Variants in RIPOR2 observed in about 807,000 individuals in gnomAD.
The protein encoded by RIPOR2 is rho family-interacting cell polarization regulator 2.
Under a neutral mutation model 114.5 loss-of-function variants are expected in RIPOR2, and 39 were observed. The observed-to-expected ratio is 0.34, with a 90% CI of 0.26 to 0.44. The LOEUF (loss-of-function observed/expected upper bound fraction) is 0.44, where lower values mean the gene tolerates loss of function less well. RIPOR2 is among the 20% of genes least tolerant of loss of function. The pLI, the probability that RIPOR2 is intolerant of heterozygous loss-of-function variation, is 1.00. For synonymous variants in RIPOR2, 445 were observed against 484.4 expected (o/e 0.92, Z 1.07); for missense variants, 1,007 against 1,255.1 (o/e 0.80, Z 2.99).
intron 1 of RIPOR2, among the ~76,000 whole-genome samples, chr6:24,911,378 G>A (rs1225374374): frequency 1.3e-5 from 2 of 152,060 alleles, no homozygotes; most frequent in Non-Finnish European, 2.9e-5. Flanking sequence ...GAGGGCAGAG[G>A]AAAGGAGCCG....
intron 1 of RIPOR2, among the ~76,000 whole-genome samples, chr6:24,976,016 G>A (rs1001168240): frequency 3.9e-5 from 6 of 152,070 alleles, no homozygotes; most frequent in Non-Finnish European, 8.8e-5. Flanking sequence ...AAAAATTTTT[G>A]AAAAGAGAAA....
intron 1 of RIPOR2, among the ~76,000 whole-genome samples, chr6:25,000,187 C>T (rs1775238818): frequency 6.6e-6 from 1 of 152,202 alleles, no homozygotes; most frequent in South Asian, 2.1e-4. Flanking sequence ...ACAACTCTTA[C>T]TTTCACTTCA....
intron 2 of RIPOR2, among the ~76,000 whole-genome samples, chr6:24,874,714 A>G (rs1426554977): frequency 2.0e-5 from 3 of 152,230 alleles, no homozygotes; most frequent in African/African-American, 7.2e-5. Context: ...GCACTATGCA[A>G]TTTTAGGTAC....
intron 1 of RIPOR2, among the ~76,000 whole-genome samples, chr6:24,974,530 TGTG>T (rs1414397798): frequency 2.0e-5 from 3 of 152,136 alleles, no homozygotes; most frequent in Non-Finnish European, 2.9e-5. Flanking sequence ...TTGAGGAAGA[TGTG>T]GAGAAACTGG....
At chr6:24,839,807 T>C (rs927353973) in intron 13 of RIPOR2, 9 of 1,352,082 alleles carry the variant, frequency 6.7e-6, no homozygotes, top group East Asian at 5.7e-5. Context: ...TGGCAATGTC[T>C]TCGGTGTTTT....
intron 1 of RIPOR2, among the ~76,000 whole-genome samples, chr6:25,007,804 A>G (rs1299658037): frequency 6.6e-6 from 1 of 151,858 alleles, no homozygotes; most frequent in Non-Finnish European, 1.5e-5. Context: ...CTGTTCTTCC[A>G]ACTGCTGTAG....
Position 24,935,936 on chromosome 6 carries a change from C to G in RIPOR2, c.-38G>C, listed in dbSNP as rs533788371. 325 of 1,485,584 alleles carry G rather than the reference C, an allele frequency of 2.2e-4. No individual in the cohort carries two copies. The highest frequency in any genetic ancestry group is 2.6e-4 in the Non-Finnish European group (290 of 1,101,744). 92.0% of individuals were successfully genotyped at this position (1,485,584 alleles called of 1,614,324 possible). ...AGGCGCGAGAAGCAGCAGGCAGCAGCCCCGGCAGTCTCAGCAGTCACACTG... is the reference window on the plus strand; with the variant it reads ...AGGCGCGAGAAGCAGCAGGCAGCAGGCCCGGCAGTCTCAGCAGTCACACTG... On this transcript the variant is annotated 5_prime_UTR_variant, in exon 1 of 22. Transcript: ENST00000643898.
At chr6:24,939,893 A>G (rs573594210), upstream of RIPOR2, among the ~76,000 whole-genome samples, 1 of 152,340 alleles carries the variant, frequency 6.6e-6, no homozygotes, top group Non-Finnish European at 1.5e-5. Context: ...GGTCATAAGC[A>G]CAGGAACATA....
intron 1 of RIPOR2, among the ~76,000 whole-genome samples, chr6:24,981,090 A>G (rs1345014023): frequency 6.6e-6 from 1 of 152,180 alleles, no homozygotes; most frequent in Non-Finnish European, 1.5e-5. Flanking sequence ...CTTCATTTGA[A>G]CAAAAGGGTG....
chr6:25,027,810 A>G (rs924521611), intron 1 of RIPOR2, among the ~76,000 whole-genome samples: 20 of 152,222 alleles, frequency 1.3e-4, no homozygotes, highest in African/African-American at 4.3e-4. Context: ...AAGAGGGAAG[A>G]GGCAAGTTCC....
Position 24,929,628 on chromosome 6 carries a change from C to T in RIPOR2, c.61+6210G>A, listed in dbSNP as rs141146416. Among the ~76,000 whole-genome samples, 1,092 of 152,224 alleles carry T rather than the reference C, an allele frequency of 7.2e-3. 9 individuals carry two copies. Among genetic ancestry groups the T allele is most frequent in the African/African-American group, 0.025 (1,018 of 41,528 alleles). On this transcript the variant is annotated intron_variant, in intron 1 of 21. Transcript: ENST00000643898. ...CACTTTAATTTGTCTCAACTAATAC[C>T]TTTTCTCTTTTAAAATATCTTCCAA...
At chr6:24,870,091 A>G (rs1423925848) in intron 5 of RIPOR2, among the ~76,000 whole-genome samples, 1 of 152,252 alleles carries the variant, frequency 6.6e-6, no homozygotes, top group Non-Finnish European at 1.5e-5. Flanking sequence ...ATCTGTGTCT[A>G]AACAGACCTA....
At chr6:24,835,646 A>T (rs540274884) in intron 15 of RIPOR2, 57 bp downstream of exon 15, 4 of 1,491,146 alleles carry the variant, frequency 2.7e-6, no homozygotes, top group Non-Finnish European at 2.7e-6. Flanking sequence ...ATGAAAGCAC[A>T]CTTCCTGGTA....
intron 8 of RIPOR2, among the ~76,000 whole-genome samples, chr6:24,859,433 A>C (rs188421964): frequency 1.4e-3 from 207 of 152,268 alleles, no homozygotes; most frequent in African/African-American, 4.3e-3. Flanking sequence ...TGATAGAATC[A>C]TCCTCAAAGT....
At chr6:24,896,398 C>A (rs1767892914) in intron 1 of RIPOR2, among the ~76,000 whole-genome samples, 1 of 152,098 alleles carries the variant, frequency 6.6e-6, no homozygotes, top group South Asian at 2.1e-4. Flanking sequence ...CAAGTCAATT[C>A]CAGTTTACTA....
In RIPOR2 at chr6:24,892,431, C is replaced by T. The variant is rs114605964; in HGVS notation, c.62-16614G>A. Among the ~76,000 whole-genome samples the T allele has an allele frequency of 8.7e-3, 1,326 of 152,292 alleles. 6 individuals carry two copies. The highest frequency in any genetic ancestry group is 0.018 in the Admixed American group (278 of 15,300). Reference sequence around the variant, plus strand: ...TCATTCCGTATGCTCACACCCAGGACGTACTCTATCCTCTGGGTCACACAA... The same window carrying T: ...TCATTCCGTATGCTCACACCCAGGATGTACTCTATCCTCTGGGTCACACAA... On this transcript the variant is annotated intron_variant, in intron 1 of 21. Coordinates refer to ENST00000643898, the MANE Select transcript of RIPOR2 (RefSeq NM_001286445.3).
intron 1 of RIPOR2, among the ~76,000 whole-genome samples, chr6:24,876,123 T>C (rs1449987564): frequency 1.3e-5 from 2 of 151,952 alleles, no homozygotes; most frequent in African/African-American, 4.8e-5. Context: ...AAACCCCATC[T>C]CTACTAAAAA....
intron 1 of RIPOR2, among the ~76,000 whole-genome samples, chr6:24,920,449 A>T (rs1196985877): frequency 2.0e-5 from 3 of 152,166 alleles, no homozygotes; most frequent in African/African-American, 7.2e-5. Context: ...ACCTCCAAGA[A>T]GCCAGCCCTT....
chr6:24,987,737 G>A (rs964030889), intron 1 of RIPOR2, among the ~76,000 whole-genome samples: 1 of 152,188 alleles, frequency 6.6e-6, no homozygotes, highest in African/African-American at 2.4e-5. Flanking sequence ...TTGCCGTTTA[G>A]TCATTTACAT....
Sources: allele counts gnomAD v4.1 joint callset (sites outside exome capture counted in the v4.1 genomes callset), GRCh38; gene constraint gnomAD v4.1.1; transcripts MANE v1.5; gene names NCBI Gene and HGNC (gene_info 2026-07-23, HGNC 2026-07-21).